CYP2C19: variants seen among roughly 807,000 people sequenced by gnomAD.
The protein encoded by CYP2C19 is cytochrome P450 2C19.
In CYP2C19, 59 loss-of-function variants were observed where a neutral mutation model predicts 40.9. That is an observed-to-expected ratio of 1.44 (90% CI 1.17 to 1.79). The LOEUF (loss-of-function observed/expected upper bound fraction) is 1.79. CYP2C19 is among the 40% of genes most tolerant of loss of function. CYP2C19 has a pLI of 0.00. For missense variants in CYP2C19, 754 were observed against 596.9 expected (o/e 1.26, Z -2.74); for synonymous variants, 253 against 208.7 (o/e 1.21, Z -1.83).
Position 94,762,838 on chromosome 10 carries a change from A to G in CYP2C19, c.133A>G (p.Ile45Val), listed in dbSNP as rs1205649887. Reference sequence around the variant, plus strand: ...CCCAGTGATTGGAAATATCCTACAGATAGATATTAAGGATGTCAGCAAATC... The same window carrying G: ...CCCAGTGATTGGAAATATCCTACAGGTAGATATTAAGGATGTCAGCAAATC... Reference protein sequence around the residue: ...PLPVIGNILQIDIKDVSKSLT... With the variant: ...PLPVIGNILQVDIKDVSKSLT... The change falls in exon 1 of 9, where the codon ATA (isoleucine) becomes GTA (valine). Residue 45 changes from isoleucine to valine, a missense_variant. By Grantham distance (29) the Ile-to-Val change is conservative (BLOSUM62 3). Transcript: ENST00000371321. 2 of 1,613,868 alleles carry G rather than the reference A, an allele frequency of 1.2e-6. No homozygotes were observed. The highest frequency in any genetic ancestry group is 1.7e-6 in the Non-Finnish European group (2 of 1,179,846).
intron 5 of CYP2C19, among the ~76,000 whole-genome samples, chr10:94,800,801 C>T (rs1848753216): frequency 6.6e-6 from 1 of 152,214 alleles, no homozygotes; most frequent in Non-Finnish European, 1.5e-5. Context: ...GAACAAGGCT[C>T]CATGGGCATG....
chr10:94,832,910 A>G (rs919485350), intron 6 of CYP2C19, among the ~76,000 whole-genome samples: 5 of 152,036 alleles, frequency 3.3e-5, no homozygotes, highest in Admixed American at 3.3e-4. Context: ...ATATTTTTCC[A>G]TTTGTTGTGA....
At chr10:94,787,727 T>C (rs1039248536) in intron 5 of CYP2C19, among the ~76,000 whole-genome samples, 7 of 152,154 alleles carry the variant, frequency 4.6e-5, no homozygotes, top group Non-Finnish European at 8.8e-5. Context: ...CCAGTTATCC[T>C]AGTTCAATTT....
Position 94,842,879 on chromosome 10 carries a change from G to T in CYP2C19, c.1004G>T (p.Arg335Leu). 6.2e-7 allele frequency: 1 copy of T among 1,614,100 alleles called. No individual in the cohort carries two copies. The highest frequency in any genetic ancestry group is 2.2e-5 in the East Asian group (1 of 44,870). Residue 335 changes from arginine (R) to leucine (L), a missense_variant, in exon 7 of 9, where the codon CGG (arginine) becomes CTG (leucine). Coordinates refer to ENST00000371321, the MANE Select transcript of CYP2C19 (RefSeq NM_000769.4). ...EEIERVIGRN[R>L]SPCMQDRGHM... Reference sequence around the variant, plus strand: ...ATTGAACGTGTCATTGGCAGAAACCGGAGCCCCTGCATGCAGGACAGGGGC... The same window carrying T: ...ATTGAACGTGTCATTGGCAGAAACCTGAGCCCCTGCATGCAGGACAGGGGC...
chr10:94,764,521 C>G (rs1848215057), intron 1 of CYP2C19, among the ~76,000 whole-genome samples: 1 of 152,174 alleles, frequency 6.6e-6, no homozygotes, highest in Non-Finnish European at 1.5e-5. Context: ...GGCTTCACCT[C>G]TCAATCCCCC....
At position 94,764,252 on chromosome 10, in the gene CYP2C19, G is replaced by T. The variant is rs569210799; in HGVS notation, c.168+1379G>T. On this transcript the variant is annotated intron_variant, in intron 1 of 8. Transcript: ENST00000371321. ...TATTCCCTTATTTGGCCCCACCCAT[G>T]TCCTGCTGATTGGCCCATTTTACAG... Among the ~76,000 whole-genome samples the T allele has an allele frequency of 3.0e-4, 45 of 152,216 alleles. 1 individual carries two copies. Among genetic ancestry groups the T allele is most frequent in the African/African-American group, 1.1e-3 (44 of 41,548 alleles).
chr10:94,818,874 C>G (rs1296135722), intron 5 of CYP2C19, among the ~76,000 whole-genome samples: 2 of 151,962 alleles, frequency 1.3e-5, no homozygotes, highest in African/African-American at 4.8e-5. Flanking sequence ...TAATTGAATC[C>G]CCTTTATTTC....
chr10:94,830,231 A>G (rs986186404), intron 6 of CYP2C19, among the ~76,000 whole-genome samples: 2 of 152,218 alleles, frequency 1.3e-5, no homozygotes, highest in African/African-American at 4.8e-5. Context: ...AGCATGGGCA[A>G]TGGCGGGCGC....
At chr10:94,826,359 G>A (rs1327528811) in intron 6 of CYP2C19, among the ~76,000 whole-genome samples, 1 of 152,082 alleles carries the variant, frequency 6.6e-6, no homozygotes, top group Admixed American at 6.6e-5. Context: ...AGTTCTCCTT[G>A]AAGAGGTCCT....
chr10:94,826,348 T>C (rs1397685906), intron 6 of CYP2C19, among the ~76,000 whole-genome samples: 2 of 152,198 alleles, frequency 1.3e-5, no homozygotes, highest in African/African-American at 2.4e-5. Context: ...CAGTGGTTTG[T>C]AGTTCTCCTT....
chr10:94,795,210 G>A (rs1848665678), intron 5 of CYP2C19, among the ~76,000 whole-genome samples: 2 of 134,700 alleles, frequency 1.5e-5, no homozygotes. Flanking sequence ...GTGTCCAAGT[G>A]TTCTCATTGT....
At chr10:94,837,479 G>A (rs954846632) in intron 6 of CYP2C19, among the ~76,000 whole-genome samples, 11 of 152,156 alleles carry the variant, frequency 7.2e-5, no homozygotes, top group Admixed American at 2.0e-4. Flanking sequence ...CCTATGTTCA[G>A]GTGTATAATG....
chr10:94,799,036 C>T (rs1848728627), intron 5 of CYP2C19, among the ~76,000 whole-genome samples: 1 of 151,770 alleles, frequency 6.6e-6, no homozygotes, highest in East Asian at 1.9e-4. Flanking sequence ...AGAATTTGAT[C>T]CTGTCATTGT....
intron 5 of CYP2C19, among the ~76,000 whole-genome samples, chr10:94,802,439 A>T (rs1450652636): frequency 6.6e-6 from 1 of 151,902 alleles, no homozygotes; most frequent in Non-Finnish European, 1.5e-5. Context: ...CTGCTTGGTA[A>T]ATCTTCCTCC....
chr10:94,781,280 T>C (rs1436276026), intron 4 of CYP2C19, among the ~76,000 whole-genome samples: 1 of 152,130 alleles, frequency 6.6e-6, no homozygotes, highest in Non-Finnish European at 1.5e-5. Flanking sequence ...ATACTCTGCC[T>C]AAATAATAAT....
At chr10:94,790,169 G>C (rs368150454) in intron 5 of CYP2C19, among the ~76,000 whole-genome samples, 1 of 152,096 alleles carries the variant, frequency 6.6e-6, no homozygotes, top group East Asian at 1.9e-4. Flanking sequence ...GTATAGGAAT[G>C]CTTATGATTT....
intron 1 of CYP2C19, among the ~76,000 whole-genome samples, chr10:94,767,309 C>A (rs1227477009): frequency 6.6e-6 from 1 of 152,084 alleles, no homozygotes; most frequent in East Asian, 1.9e-4. Context: ...ATCCCTAGTG[C>A]CCTGGAAATT....
intron 4 of CYP2C19, 66 bp from the exon 5 acceptor site, chr10:94,781,755 C>T (rs1302742181): frequency 5.4e-6 from 4 of 736,738 alleles, no homozygotes; most frequent in Non-Finnish European, 7.7e-6. Flanking sequence ...ACAACCAGAG[C>T]TTGGCATATT....
chr10:94,797,769 T>G (rs747515020), intron 5 of CYP2C19, among the ~76,000 whole-genome samples: 11 of 152,186 alleles, frequency 7.2e-5, no homozygotes, highest in Non-Finnish European at 1.5e-4. Flanking sequence ...TATTCTAGTT[T>G]ATTTGCATAC....
Sources: gnomAD v4.1 joint callset for allele counts (sites outside exome capture counted in the v4.1 genomes callset) on GRCh38, gnomAD v4.1.1 for gene constraint, MANE v1.5 for transcripts, NCBI Gene and HGNC (gene_info 2026-07-23, HGNC 2026-07-21) for gene names.